The following RANBP2 variants were observed in gnomAD, a reference collection of about 807,000 sequenced individuals.
RANBP2 encodes the protein E3 SUMO-protein ligase RanBP2.
RANBP2 carries 57 observed loss-of-function variants against 303.6 expected under a neutral mutation model. The ratio of observed to expected loss-of-function variants is 0.19; its 90% CI spans 0.15 to 0.23. The LOEUF (loss-of-function observed/expected upper bound fraction) is 0.23. Among genes scored for constraint, RANBP2 ranks in the 10% least tolerant of loss-of-function variants. The pLI, the probability that RANBP2 is intolerant of heterozygous loss-of-function variation, is 1.00. For missense variants in RANBP2, 3,138 were observed against 3,780.8 expected, an observed-to-expected ratio of 0.83 and a Z score of 4.46; for synonymous variants, 1,167 against 1,301.5, an observed-to-expected ratio of 0.90 and a Z score of 2.23.
the RANBP2 span, among the ~76,000 whole-genome samples, chr2:109,133,040 T>C: frequency 6.6e-6 from 1 of 152,200 alleles, no homozygotes; most frequent in African/African-American, 2.4e-5. Flanking sequence ...TAGGCACTAT[T>C]ATAGGTAAAC....
chr2:109,521,339 G>A, the RANBP2 span, among the ~76,000 whole-genome samples: 1 of 152,230 alleles, frequency 6.6e-6, no homozygotes, highest in Non-Finnish European at 1.5e-5. Context: ...GTCCCAGGCT[G>A]TAAAGGGCAT....
chr2:109,481,030 A>G, the RANBP2 span, among the ~76,000 whole-genome samples: 6 of 152,220 alleles, frequency 3.9e-5, no homozygotes, highest in Admixed American at 2.0e-4. Context: ...AGGCAAGAGG[A>G]CACCGATAGG....
At chr2:109,215,600 G>A in the RANBP2 span, among the ~76,000 whole-genome samples, 7 of 152,060 alleles carry the variant, frequency 4.6e-5, no homozygotes, top group Non-Finnish European at 8.8e-5. Context: ...GTGCCTCTCT[G>A]GGTAGAGTTC....
At chr2:109,129,325 C>T in the RANBP2 span, 1 of 734,634 alleles carries the variant, frequency 1.4e-6, no homozygotes, top group Non-Finnish European at 2.2e-6. Context: ...GCGGGCTCGG[C>T]TGGCCGGTCC....
At chr2:109,389,560 AC>A in the RANBP2 span, among the ~76,000 whole-genome samples, 39 of 152,196 alleles carry the variant, frequency 2.6e-4, no homozygotes, top group African/African-American at 8.9e-4. Context: ...TCGTTTGAAA[AC>A]CACTGCTCTA....
chr2:109,193,814 G>A, the RANBP2 span, among the ~76,000 whole-genome samples: 61 of 152,304 alleles, frequency 4.0e-4, 2 homozygotes, highest in African/African-American at 1.2e-3. Flanking sequence ...TAGAAAGGGT[G>A]TTTTCTACCC....
the RANBP2 span, among the ~76,000 whole-genome samples, chr2:109,234,578 C>T: frequency 3.3e-5 from 5 of 152,226 alleles, no homozygotes; most frequent in African/African-American, 7.2e-5. Flanking sequence ...AGGCTGCCCT[C>T]GTTGACAGCT....
the RANBP2 span, among the ~76,000 whole-genome samples, chr2:109,548,464 A>G: frequency 1.3e-5 from 2 of 152,140 alleles, no homozygotes; most frequent in African/African-American, 4.8e-5. Flanking sequence ...GTTTACACGC[A>G]TGAGCCACAG....
intron 1 of RANBP2, among the ~76,000 whole-genome samples, chr2:108,720,383 A>G (rs1694141784): frequency 2.6e-5 from 4 of 151,512 alleles, no homozygotes; most frequent in Non-Finnish European, 5.9e-5. Flanking sequence ...TAAAGTTCTT[A>G]CAAATCGTTA....
the RANBP2 span, among the ~76,000 whole-genome samples, chr2:109,392,986 T>C: frequency 1.3e-5 from 2 of 152,318 alleles, no homozygotes; most frequent in East Asian, 3.9e-4. Flanking sequence ...CCGCCCCTGC[T>C]TAGTCTCCTG....
chr2:109,701,088 C>T, the RANBP2 span, among the ~76,000 whole-genome samples: 1 of 152,168 alleles, frequency 6.6e-6, no homozygotes, highest in Admixed American at 6.5e-5. Context: ...TCAGCCTTGC[C>T]GCTTGCTTTA....
the RANBP2 span, among the ~76,000 whole-genome samples, chr2:109,388,164 C>A: frequency 6.6e-6 from 1 of 152,192 alleles, no homozygotes; most frequent in East Asian, 1.9e-4. Context: ...CACTTATGTC[C>A]TTTTGGTTGA....
At chr2:109,056,519 G>A in the RANBP2 span, among the ~76,000 whole-genome samples, 6 of 152,116 alleles carry the variant, frequency 3.9e-5, no homozygotes, top group East Asian at 1.2e-3. Context: ...AGAACTCAAA[G>A]CATCCTCCTG....
At chr2:109,541,388 A>G in the RANBP2 span, among the ~76,000 whole-genome samples, 65 of 152,130 alleles carry the variant, frequency 4.3e-4, no homozygotes, top group Non-Finnish European at 8.4e-4. Flanking sequence ...ATTCCTTTCT[A>G]CATCAGTATT....
the RANBP2 span, among the ~76,000 whole-genome samples, chr2:109,298,987 C>T: frequency 2.6e-5 from 4 of 152,218 alleles, no homozygotes; most frequent in Admixed American, 6.5e-5. Context: ...CGCCGGCCTG[C>T]ACCAACCCCC....
the RANBP2 span, among the ~76,000 whole-genome samples, chr2:109,059,489 G>A: frequency 2.6e-5 from 4 of 151,950 alleles, no homozygotes; most frequent in African/African-American, 9.7e-5. Flanking sequence ...GCAGGAGAAT[G>A]GTGTGAATCC....
the RANBP2 span, among the ~76,000 whole-genome samples, chr2:109,743,608 C>CT: frequency 3.7e-5 from 5 of 135,816 alleles, 1 homozygote; most frequent in African/African-American, 1.4e-4. Flanking sequence ...ACAAAGAACT[C>CT]TTTTTTTCTA....
chr2:108,871,806 A>G, the RANBP2 span, among the ~76,000 whole-genome samples: 3 of 152,048 alleles, frequency 2.0e-5, no homozygotes, highest in Non-Finnish European at 4.4e-5. Flanking sequence ...TTTAAAAGTG[A>G]TATTGCTATT....
chr2:109,450,911 T>G, the RANBP2 span, among the ~76,000 whole-genome samples: 1 of 152,236 alleles, frequency 6.6e-6, no homozygotes, highest in African/African-American at 2.4e-5. Flanking sequence ...CCCTGGACAC[T>G]AGATGGTGTG....
Sources: gnomAD v4.1 joint callset for allele counts (sites outside exome capture counted in the v4.1 genomes callset) on GRCh38, gnomAD v4.1.1 for gene constraint, MANE v1.5 for transcripts, NCBI Gene and HGNC (gene_info 2026-07-23, HGNC 2026-07-21) for gene names.